The following SLC25A21 variants were observed in gnomAD, a reference collection of about 807,000 sequenced individuals.
SLC25A21 encodes solute carrier family 25 member 21, also known as mitochondrial 2-oxodicarboxylate carrier.
Under a neutral mutation model 43.8 loss-of-function variants are expected in SLC25A21, and 47 were observed. That is an observed-to-expected ratio of 1.07 (90% CI 0.85 to 1.37). The LOEUF is 1.37. SLC25A21 is among the 40% of genes most tolerant of loss of function. The pLI is 0.00. For synonymous variants in SLC25A21, 131 were observed against 121.3 expected (o/e 1.08, Z -0.52); for missense variants, 352 against 350.2 (o/e 1.00, Z -0.04).
chr14:36,851,501 T>C (rs1174731745), intron 2 of SLC25A21, among the ~76,000 whole-genome samples: 1 of 152,204 alleles, frequency 6.6e-6, no homozygotes, highest in African/African-American at 2.4e-5. Context: ...CAGGGACACC[T>C]GTTAGCTTGG....
chr14:36,887,773 C>CA (rs1890963815), intron 1 of SLC25A21, among the ~76,000 whole-genome samples: 1 of 152,108 alleles, frequency 6.6e-6, no homozygotes, highest in Non-Finnish European at 1.5e-5. Context: ...CTCTATCAAC[C>CA]AGAAAGATAC....
At chr14:36,868,125 G>A (rs1398968354) in intron 2 of SLC25A21, among the ~76,000 whole-genome samples, 1 of 145,248 alleles carries the variant, frequency 6.9e-6, no homozygotes, top group East Asian at 2.0e-4. Context: ...GAGAAAGAGA[G>A]TGTATCAGAG....
intron 4 of SLC25A21, 118 bp from the exon 5 acceptor site, chr14:36,729,684 C>T (rs539992222): frequency 9.0e-6 from 7 of 781,258 alleles, no homozygotes; most frequent in South Asian, 5.8e-5. Flanking sequence ...AAATGATAAA[C>T]TATCTAATAC....
intron 1 of SLC25A21, among the ~76,000 whole-genome samples, chr14:37,085,874 G>C (rs927446706): frequency 2.0e-5 from 3 of 152,214 alleles, no homozygotes; most frequent in African/African-American, 7.2e-5. Flanking sequence ...GGCAGGCCGA[G>C]GCAGGCAGAT....
At chr14:37,142,589 T>C (rs1017305419) in intron 1 of SLC25A21, among the ~76,000 whole-genome samples, 2 of 152,192 alleles carry the variant, frequency 1.3e-5, no homozygotes, top group Admixed American at 6.5e-5. Context: ...CCGGAACTCC[T>C]GGGCTCAAGC....
chr14:36,732,641 T>C (rs1483188052), intron 4 of SLC25A21, among the ~76,000 whole-genome samples: 6 of 151,990 alleles, frequency 3.9e-5, no homozygotes, highest in Non-Finnish European at 1.5e-5. Context: ...TACCAAAGAA[T>C]ACACACACAC....
At chr14:36,710,214 A>G (rs547755805) in intron 7 of SLC25A21, among the ~76,000 whole-genome samples, 1 of 149,366 alleles carries the variant, frequency 6.7e-6, no homozygotes, top group Non-Finnish European at 1.5e-5. Flanking sequence ...GTGCCAAAAT[A>G]AAAAAAAAAT....
chr14:37,080,330 T>C (rs1407572460), intron 1 of SLC25A21, among the ~76,000 whole-genome samples: 1 of 152,210 alleles, frequency 6.6e-6, no homozygotes, highest in African/African-American at 2.4e-5. Context: ...CGGTGCCTCA[T>C]GCCAGTAATC....
chr14:36,856,575 G>C (rs921981219), intron 2 of SLC25A21, among the ~76,000 whole-genome samples: 13 of 152,152 alleles, frequency 8.5e-5, no homozygotes, highest in African/African-American at 2.9e-4. Context: ...ACTGCGAGAG[G>C]CCAGTGGAAA....
intron 3 of SLC25A21, among the ~76,000 whole-genome samples, chr14:36,736,075 A>G (rs1340300265): frequency 1.3e-5 from 2 of 151,220 alleles, no homozygotes; most frequent in African/African-American, 4.9e-5. Flanking sequence ...AGCTGGGACT[A>G]CAGGCACCCG....
intron 3 of SLC25A21, among the ~76,000 whole-genome samples, chr14:36,765,734 A>G (rs1594567945): frequency 6.6e-6 from 1 of 152,316 alleles, no homozygotes; most frequent in Middle Eastern, 3.4e-3. Context: ...ATCTTGAAAC[A>G]TCTTGAAACA....
At chr14:36,808,081 C>T (rs1242344789) in intron 3 of SLC25A21, among the ~76,000 whole-genome samples, 4 of 152,120 alleles carry the variant, frequency 2.6e-5, no homozygotes, top group East Asian at 1.9e-4. Context: ...AGTTCAAATG[C>T]CCCCCAAATG....
intron 1 of SLC25A21, among the ~76,000 whole-genome samples, chr14:37,068,246 G>A (rs921380427): frequency 1.3e-5 from 2 of 152,182 alleles, no homozygotes; most frequent in Non-Finnish European, 2.9e-5. Flanking sequence ...ACAGAAGAAA[G>A]ATGCCTGATG....
intron 1 of SLC25A21, among the ~76,000 whole-genome samples, chr14:36,916,813 A>C (rs543176591): frequency 6.6e-6 from 1 of 152,164 alleles, no homozygotes; most frequent in East Asian, 1.9e-4. Flanking sequence ...CCTGGACGTT[A>C]TATGGGCACC....
At chr14:37,133,857 T>G (rs549874687) in intron 1 of SLC25A21, among the ~76,000 whole-genome samples, 1 of 152,292 alleles carries the variant, frequency 6.6e-6, no homozygotes, top group South Asian at 2.1e-4. Context: ...ATACCCAACA[T>G]AATTATTTAC....
At chr14:36,695,069 T>C (rs768459023) in intron 7 of SLC25A21, among the ~76,000 whole-genome samples, 5 of 152,232 alleles carry the variant, frequency 3.3e-5, no homozygotes, top group Admixed American at 6.5e-5. Context: ...TTAATCCATC[T>C]TGAATTAATT....
chr14:37,115,594 G>C (rs778357801), intron 1 of SLC25A21, among the ~76,000 whole-genome samples: 1 of 152,156 alleles, frequency 6.6e-6, no homozygotes, highest in South Asian at 2.1e-4. Context: ...GCTAACAGTG[G>C]TGGTTCCTCC....
chr14:37,063,711 A>C (rs1235366310), intron 1 of SLC25A21, among the ~76,000 whole-genome samples: 1 of 152,102 alleles, frequency 6.6e-6, no homozygotes, highest in Non-Finnish European at 1.5e-5. Flanking sequence ...GAAGTCTGGA[A>C]AGCAGGCCTC....
At chr14:36,769,609 CTT>C (rs1415718900) in intron 3 of SLC25A21, among the ~76,000 whole-genome samples, 1 of 152,144 alleles carries the variant, frequency 6.6e-6, no homozygotes, top group Non-Finnish European at 1.5e-5. Context: ...GGCAATTTAT[CTT>C]TGCGTGGTGC....
Sources: allele counts gnomAD v4.1 joint callset (sites outside exome capture counted in the v4.1 genomes callset), GRCh38; gene constraint gnomAD v4.1.1; transcripts MANE v1.5; gene names NCBI Gene and HGNC (gene_info 2026-07-23, HGNC 2026-07-21).